The following LAMC1 variants were observed in gnomAD, a reference collection of about 807,000 sequenced individuals.
The protein encoded by LAMC1 is laminin subunit gamma 1.
LAMC1 carries 38 observed loss-of-function variants against 173.6 expected under a neutral mutation model. The observed-to-expected ratio is 0.22, with a 90% confidence interval of 0.17 to 0.29. LAMC1 has a LOEUF of 0.29. LAMC1 is among the 10% of genes least tolerant of loss of function. LAMC1 has a pLI of 1.00. For synonymous variants in LAMC1, 746 were observed against 749.1 expected, an observed-to-expected ratio of 1.00 and a Z score of 0.07; for missense variants, 1,824 against 2,051.8, an observed-to-expected ratio of 0.89 and a Z score of 2.14.
At chr1:183,088,893 T>C (rs555011721) in intron 1 of LAMC1, among the ~76,000 whole-genome samples, 1 of 152,276 alleles carries the variant, frequency 6.6e-6, no homozygotes, top group Admixed American at 6.5e-5. Context: ...ATTAGAGAAC[T>C]GTAGGATATA....
chr1:183,066,137 G>A (rs1050842286), intron 1 of LAMC1, among the ~76,000 whole-genome samples: 3 of 152,146 alleles, frequency 2.0e-5, no homozygotes, highest in Non-Finnish European at 4.4e-5. Flanking sequence ...TTTACCAAGT[G>A]TACTGTACTT....
chr1:183,104,623 T>C (rs1655922531), intron 2 of LAMC1, among the ~76,000 whole-genome samples: 1 of 152,248 alleles, frequency 6.6e-6, no homozygotes, highest in South Asian at 2.1e-4. Flanking sequence ...GTTTCTAATT[T>C]GGATCTTCTT....
chr1:183,030,357 A>T (rs150881188), intron 1 of LAMC1, among the ~76,000 whole-genome samples: 3 of 152,296 alleles, frequency 2.0e-5, no homozygotes, highest in East Asian at 3.9e-4. Flanking sequence ...CACAGAGAGG[A>T]TTCACTTCAC....
At chr1:183,073,890 A>G (rs1655067308) in intron 1 of LAMC1, among the ~76,000 whole-genome samples, 1 of 152,192 alleles carries the variant, frequency 6.6e-6, no homozygotes, top group African/African-American at 2.4e-5. Flanking sequence ...AAGTTTGAAG[A>G]TCAGGCCACT....
At chr1:183,066,840 G>A (rs1654885627) in intron 1 of LAMC1, among the ~76,000 whole-genome samples, 2 of 152,168 alleles carry the variant, frequency 1.3e-5, no homozygotes, top group South Asian at 4.1e-4. Flanking sequence ...AGCATTAGGA[G>A]AAATACCTAA....
In LAMC1 at chr1:183,024,091, C is replaced by T. The variant is rs1264874548; in HGVS notation, c.375C>T (p.Ala125=). ...TTWWQSQTML[A]GVQYPSSINL... is the part of the protein sequence containing the mutation. ...GGTGGCAAAGCCAGACCATGCTGGC[C>T]GGGGTGCAGTACCCCAGCTCCATCA... The change falls in exon 1 of 28, where the codon GCC becomes GCT. Residue 125 remains alanine (A), a synonymous_variant. Coordinates refer to ENST00000258341, the MANE Select transcript of LAMC1 (RefSeq NM_002293.4). 3 of 1,608,276 alleles carry T rather than the reference C, an allele frequency of 1.9e-6. No homozygotes were observed. The highest frequency in any genetic ancestry group is 2.7e-5 in the African/African-American group (2 of 74,924).
At chr1:183,118,921 C>T (rs769547315) in intron 11 of LAMC1, among the ~76,000 whole-genome samples, 8 of 150,846 alleles carry the variant, frequency 5.3e-5, no homozygotes, top group Non-Finnish European at 8.9e-5. Context: ...TTTTTTGAGA[C>T]GGAGTCTTGC....
At chr1:183,100,161 C>G (rs965180648) in intron 1 of LAMC1, among the ~76,000 whole-genome samples, 4 of 152,176 alleles carry the variant, frequency 2.6e-5, no homozygotes, top group Non-Finnish European at 5.9e-5. Context: ...CGGCTTCCTA[C>G]ACCTCACTGA....
chr1:183,092,218 T>A (rs1451196253), intron 1 of LAMC1, among the ~76,000 whole-genome samples: 2 of 152,106 alleles, frequency 1.3e-5, no homozygotes, highest in Non-Finnish European at 2.9e-5. Flanking sequence ...GACATGAAAA[T>A]CAGAAGAGCT....
chr1:183,098,716 A>G (rs1655757088), intron 1 of LAMC1, among the ~76,000 whole-genome samples: 1 of 152,346 alleles, frequency 6.6e-6, no homozygotes, highest in Non-Finnish European at 1.5e-5. Flanking sequence ...ACACAGAAAA[A>G]AAGTCATCAG....
intron 1 of LAMC1, among the ~76,000 whole-genome samples, chr1:183,054,231 A>G (rs549288515): frequency 6.6e-6 from 1 of 152,266 alleles, no homozygotes; most frequent in South Asian, 2.1e-4. Flanking sequence ...CTTTTCTTAG[A>G]TTAATTTAAT....
intron 15 of LAMC1, 122 bp from the exon 16 acceptor site, chr1:183,125,998 C>T: frequency 2.2e-6 from 2 of 922,650 alleles, no homozygotes; most frequent in Non-Finnish European, 3.3e-6. Flanking sequence ...ATCTTAGTAA[C>T]CCTTACCATT....
chr1:183,050,805 C>T (rs544705108), intron 1 of LAMC1, among the ~76,000 whole-genome samples: 8 of 148,330 alleles, frequency 5.4e-5, no homozygotes, highest in Non-Finnish European at 1.0e-4. Flanking sequence ...GCAGGAGAAT[C>T]GCTTGAACCT....
At chr1:183,101,073 G>T (rs972279681) in intron 1 of LAMC1, among the ~76,000 whole-genome samples, 2 of 152,100 alleles carry the variant, frequency 1.3e-5, no homozygotes, top group Admixed American at 6.5e-5. Context: ...AGGATGCCTT[G>T]ATTGATTTTA....
Position 183,072,458 on chromosome 1 carries a change from T to C in LAMC1, c.419-30870T>C, listed in dbSNP as rs531721196. Among the ~76,000 whole-genome samples, 109 of 152,200 alleles carry C rather than the reference T, an allele frequency of 7.2e-4. 1 individual carries two copies. Among genetic ancestry groups the C allele is most frequent in the Non-Finnish European group, 1.2e-3 (79 of 68,030 alleles). ...TGTATTCCGTTTGCAAAGACCCTTCTTTATGGGTGTGGTCACTTCTAGAAC... is the reference window on the plus strand; with the variant it reads ...TGTATTCCGTTTGCAAAGACCCTTCCTTATGGGTGTGGTCACTTCTAGAAC... On this transcript the variant is annotated intron_variant, in intron 1 of 27. Transcript: ENST00000258341.
intron 26 of LAMC1, 35 bp downstream of exon 26, chr1:183,137,862 A>C: frequency 1.3e-6 from 2 of 1,556,148 alleles, no homozygotes; most frequent in Non-Finnish European, 1.7e-6. Context: ...CATTGGCAGA[A>C]AGTGAACAGT....
Position 183,130,262 on chromosome 1 carries a change from A to G in LAMC1, c.3281-82A>G. The G allele has an allele frequency of 2.4e-6, 3 of 1,232,902 alleles. No individual in the cohort carries two copies. The Admixed American group carries it at 5.4e-5, about 22-fold the overall frequency. The allele number at this position is 1,232,902 out of a possible 1,614,324, so 76.4% of individuals were successfully genotyped here. On this transcript the variant is annotated intron_variant, in intron 18 of 27. Transcript: ENST00000258341. ...AGTTGCGATGTTTAGAAGAGTAGAG[A>G]TACATAGGGCCTCAGATTTCATGTG... is the stretch of plus-strand genomic sequence containing the variant.
chr1:183,103,043 A>G (rs188185096), intron 1 of LAMC1, among the ~76,000 whole-genome samples: 109 of 152,360 alleles, frequency 7.2e-4, no homozygotes, highest in Non-Finnish European at 9.4e-4. Flanking sequence ...GTTTTAATTA[A>G]TAGTATAAGT....
intron 1 of LAMC1, among the ~76,000 whole-genome samples, chr1:183,049,122 C>T (rs1312349388): frequency 1.3e-5 from 2 of 152,136 alleles, no homozygotes; most frequent in Non-Finnish European, 2.9e-5. Context: ...AAATTTGGAG[C>T]AAATTCTCCA....
Sources: allele counts gnomAD v4.1 joint callset (sites outside exome capture counted in the v4.1 genomes callset), GRCh38; gene constraint gnomAD v4.1.1; transcripts MANE v1.5; gene names NCBI Gene and HGNC (gene_info 2026-07-23, HGNC 2026-07-21).